CFAP299: variants seen among roughly 807,000 people sequenced by gnomAD.
CFAP299 encodes the protein cilia and flagella associated protein 299, also known as cilia- and flagella-associated protein 299.
In CFAP299, 21 loss-of-function variants were observed where a neutral mutation model predicts 27.0. The observed-to-expected ratio is 0.78, with a 90% confidence interval of 0.55 to 1.12. The LOEUF (loss-of-function observed/expected upper bound fraction) is 1.12. Among genes scored for constraint, CFAP299 ranks in the 50% most tolerant of loss-of-function variants. The probability of loss-of-function intolerance (pLI) is 0.00; values close to 1 mark genes in which losing one functional copy is unlikely to be tolerated. For missense variants in CFAP299, 310 were observed against 276.6 expected (o/e 1.12, Z -0.86); for synonymous variants, 104 against 98.1 (o/e 1.06, Z -0.36).
intron 3 of CFAP299, among the ~76,000 whole-genome samples, chr4:80,854,744 G>A (rs1219645538): frequency 7.3e-6 from 1 of 137,004 alleles, no homozygotes; most frequent in South Asian, 2.5e-4. Context: ...GGCGTTTATG[G>A]TCATTAATTT....
At chr4:80,664,213 G>A (rs751302364) in intron 3 of CFAP299, among the ~76,000 whole-genome samples, 13 of 152,100 alleles carry the variant, frequency 8.5e-5, no homozygotes, top group Non-Finnish European at 1.8e-4. Flanking sequence ...CAAGCTAGCT[G>A]GAGGAGTTTT....
chr4:80,537,925 C>T (rs1170215189), intron 2 of CFAP299, among the ~76,000 whole-genome samples: 1 of 152,034 alleles, frequency 6.6e-6, no homozygotes, highest in Non-Finnish European at 1.5e-5. Flanking sequence ...ATGTTCTATG[C>T]TGAAAATGTA....
At chr4:80,367,807 C>T (rs1723919572) in intron 2 of CFAP299, among the ~76,000 whole-genome samples, 1 of 152,160 alleles carries the variant, frequency 6.6e-6, no homozygotes, top group African/African-American at 2.4e-5. Context: ...GGAATTCTCT[C>T]CCCCAGGGAC....
intron 3 of CFAP299, among the ~76,000 whole-genome samples, chr4:80,802,503 G>A (rs929149495): frequency 3.3e-5 from 5 of 151,770 alleles, no homozygotes; most frequent in African/African-American, 4.8e-5. Context: ...TGTCATCTAC[G>A]AGCACTTCAG....
Position 80,608,190 on chromosome 4 carries a change from G to A in CFAP299, c.333+25007G>A, listed in dbSNP as rs1054384014. 4 of 538,630 alleles carry A rather than the reference G, an allele frequency of 7.4e-6. No homozygotes were observed. In the Admixed American group the frequency reaches 9.1e-5, roughly 12 times the overall value. The allele number at this position is 538,630 out of a possible 1,614,324, so 33.4% of individuals were successfully genotyped here. On this transcript the variant is annotated intron_variant, in intron 3 of 5. Coordinates refer to ENST00000358105, the MANE Select transcript of CFAP299 (RefSeq NM_152770.3). ...TCTAATTTTTTTTTACCATTCACAA[G>A]TGTTGTCGAGACTAAGTAATTAGGA...
At chr4:80,902,586 T>TACAC (rs3038572) in intron 4 of CFAP299, among the ~76,000 whole-genome samples, 13,193 of 126,440 alleles carry the variant, frequency 0.1, 840 homozygotes, top group Middle Eastern at 0.13. Context: ...ATGTAATATA[T>TACAC]ACACACACAC....
Position 80,587,861 on chromosome 4 carries a change from G to A in CFAP299, c.333+4678G>A, listed in dbSNP as rs982636289. On this transcript the variant is annotated intron_variant, in intron 3 of 5. Coordinates refer to ENST00000358105, the MANE Select transcript of CFAP299 (RefSeq NM_152770.3). Reference sequence around the variant, plus strand: ...CTTGCCTGGGCCTCCCAAAGTGCAGGCTACTGCATTATGGATGTTCAATAA... The same window carrying A: ...CTTGCCTGGGCCTCCCAAAGTGCAGACTACTGCATTATGGATGTTCAATAA... Among the ~76,000 whole-genome samples, 5 of 151,530 alleles carry A rather than the reference G, an allele frequency of 3.3e-5. 1 individual carries two copies. Among genetic ancestry groups the A allele is most frequent in the African/African-American group, 1.2e-4 (5 of 40,830 alleles).
chr4:80,689,717 T>C (rs1249853611), intron 3 of CFAP299, among the ~76,000 whole-genome samples: 1 of 152,160 alleles, frequency 6.6e-6, no homozygotes, highest in Admixed American at 6.5e-5. Context: ...GTAAATGGAC[T>C]AAATGCTCCA....
chr4:80,852,053 A>G (rs1731556966), intron 3 of CFAP299, among the ~76,000 whole-genome samples: 1 of 152,174 alleles, frequency 6.6e-6, no homozygotes. Context: ...ATATTTTTAT[A>G]TTCAGACCTA....
intron 3 of CFAP299, among the ~76,000 whole-genome samples, chr4:80,856,327 C>T (rs1015969253): frequency 1.3e-4 from 19 of 146,316 alleles, no homozygotes; most frequent in African/African-American, 3.4e-4. Flanking sequence ...GAGTAGGTTG[C>T]GAAAATTTTC....
chr4:80,349,252 T>C (rs1483291851), intron 1 of CFAP299, among the ~76,000 whole-genome samples: 4 of 152,234 alleles, frequency 2.6e-5, no homozygotes, highest in African/African-American at 9.6e-5. Flanking sequence ...CACTTCTCCT[T>C]TCTAAATGTA....
At chr4:80,625,173 A>G (rs1738819139) in intron 3 of CFAP299, among the ~76,000 whole-genome samples, 3 of 152,142 alleles carry the variant, frequency 2.0e-5, no homozygotes, top group Non-Finnish European at 2.9e-5. Flanking sequence ...AAAATAACCA[A>G]AATAACTTAT....
chr4:80,603,904 T>A (rs745379433), intron 3 of CFAP299, among the ~76,000 whole-genome samples: 3 of 152,148 alleles, frequency 2.0e-5, no homozygotes, highest in Non-Finnish European at 4.4e-5. Flanking sequence ...GGTAGAATAA[T>A]GGGCCCTTAT....
At chr4:80,799,784 T>C (rs373094037) in intron 3 of CFAP299, among the ~76,000 whole-genome samples, 1 of 32,330 alleles carries the variant, frequency 3.1e-5, no homozygotes, top group Non-Finnish European at 4.6e-5. Flanking sequence ...GATATATATA[T>C]TATATATTAT....
At chr4:80,929,367 A>G (rs938854872) in intron 4 of CFAP299, among the ~76,000 whole-genome samples, 2 of 151,216 alleles carry the variant, frequency 1.3e-5, no homozygotes, top group African/African-American at 2.4e-5. Flanking sequence ...CTATCCCTCC[A>G]GTCTCTGTAG....
At chr4:80,948,609 G>T (rs78105173) in intron 5 of CFAP299, among the ~76,000 whole-genome samples, 3,062 of 151,948 alleles carry the variant, frequency 0.02, 117 homozygotes, top group African/African-American at 0.07. Flanking sequence ...TAGCATAAGT[G>T]GTCTAAAACT....
In CFAP299 at chr4:80,856,353, T is replaced by G. The variant is rs1269133082; in HGVS notation, c.334-13640T>G. On this transcript the variant is annotated intron_variant, in intron 3 of 5. Coordinates refer to ENST00000358105, the MANE Select transcript of CFAP299 (RefSeq NM_152770.3). ...GAAAATTTTCTCCCATTTTGTGGGT[T>G]GCCTGTTCACTCTGATGGTAGTTTC... Among the ~76,000 whole-genome samples, 20 of 150,186 alleles carry G rather than the reference T, an allele frequency of 1.3e-4. No homozygotes were observed. The East Asian group carries it at 2.5e-3, about 19-fold the overall frequency.
chr4:80,757,673 T>C (rs1211585435), intron 3 of CFAP299, among the ~76,000 whole-genome samples: 1 of 152,014 alleles, frequency 6.6e-6, no homozygotes, highest in Non-Finnish European at 1.5e-5. Flanking sequence ...GAAACATTAC[T>C]CTTTTTCACA....
intron 3 of CFAP299, among the ~76,000 whole-genome samples, chr4:80,763,044 C>T (rs574434973): frequency 6.6e-6 from 1 of 152,166 alleles, no homozygotes; most frequent in African/African-American, 2.4e-5. Flanking sequence ...TGTTTTCCAG[C>T]AAACTCAGTC....
Sources: gnomAD v4.1 joint callset for allele counts (sites outside exome capture counted in the v4.1 genomes callset) on GRCh38, gnomAD v4.1.1 for gene constraint, MANE v1.5 for transcripts, NCBI Gene and HGNC (gene_info 2026-07-23, HGNC 2026-07-21) for gene names.